Variants in TENM2 observed in about 807,000 individuals in gnomAD.
The protein encoded by TENM2 is teneurin transmembrane protein 2, also known as teneurin-2.
In TENM2, 52 loss-of-function variants were observed where a neutral mutation model predicts 245.2. The ratio of observed to expected loss-of-function variants is 0.21; its 90% CI spans 0.17 to 0.27. TENM2 has a LOEUF of 0.27. Among genes scored for constraint, TENM2 ranks in the 10% least tolerant of loss-of-function variants. The pLI, the probability that TENM2 is intolerant of heterozygous loss-of-function variation, is 1.00. For missense variants in TENM2, 3,046 were observed against 3,666.8 expected (o/e 0.83, Z 4.37); for synonymous variants, 1,363 against 1,438.9 (o/e 0.95, Z 1.19).
intron 13 of TENM2, among the ~76,000 whole-genome samples, chr5:168,175,496 T>C (rs1295414386): frequency 1.3e-5 from 2 of 152,192 alleles, no homozygotes; most frequent in East Asian, 1.9e-4. Flanking sequence ...TTTAGCCACA[T>C]AGGCTTACAA....
intron 1 of TENM2, among the ~76,000 whole-genome samples, chr5:167,350,993 T>TATATG (rs79701724): frequency 1.1e-5 from 1 of 93,878 alleles, no homozygotes; most frequent in African/African-American, 3.5e-5. Flanking sequence ...GATATATATA[T>TATATG]GGATTATATA....
At chr5:167,051,609 G>C in the TENM2 span, among the ~76,000 whole-genome samples, 1 of 152,136 alleles carries the variant, frequency 6.6e-6, no homozygotes, top group Non-Finnish European at 1.5e-5. Context: ...GGACTCGGAG[G>C]AGGCGAGAGA....
At chr5:167,580,865 T>G (rs1019728793) in intron 2 of TENM2, among the ~76,000 whole-genome samples, 2 of 152,188 alleles carry the variant, frequency 1.3e-5, no homozygotes, top group African/African-American at 2.4e-5. Context: ...GGCGCAAGCT[T>G]GTAATACCAG....
chr5:168,107,674 C>T (rs1177907546), intron 9 of TENM2, among the ~76,000 whole-genome samples: 1 of 152,200 alleles, frequency 6.6e-6, no homozygotes, highest in Non-Finnish European at 1.5e-5. Flanking sequence ...TCACCTCCCA[C>T]TGAGGCCTGA....
chr5:167,646,206 T>TATATATATATATATATGTTGTTTTC (rs1779948349), intron 2 of TENM2, among the ~76,000 whole-genome samples: 8 of 123,160 alleles, frequency 6.5e-5, no homozygotes, highest in African/African-American at 3.7e-4. Context: ...TTTTCATATA[T>TATATATATATATATATGTTGTTTTC]ATATATATAT....
intron 20 of TENM2, 186 bp from the exon 23 acceptor site, chr5:168,214,854 T>C (rs1763054168): frequency 1.5e-6 from 1 of 688,756 alleles, no homozygotes; most frequent in South Asian, 1.5e-5. Context: ...ATAAGTCCAA[T>C]TAGAAGTAGC....
At chr5:167,586,784 A>C (rs1413078688) in intron 2 of TENM2, among the ~76,000 whole-genome samples, 1 of 152,240 alleles carries the variant, frequency 6.6e-6, no homozygotes, top group Non-Finnish European at 1.5e-5. Context: ...TTCTGGAATG[A>C]GTAATAATCA....
intron 1 of TENM2, among the ~76,000 whole-genome samples, chr5:167,294,088 TC>T (rs1168678411): frequency 2.2e-4 from 34 of 152,154 alleles, no homozygotes; most frequent in Non-Finnish European, 1.5e-5. Flanking sequence ...AACAATACTT[TC>T]TTGCAACTGA....
At chr5:167,667,468 C>G (rs950469178) in intron 2 of TENM2, among the ~76,000 whole-genome samples, 2 of 152,192 alleles carry the variant, frequency 1.3e-5, no homozygotes, top group African/African-American at 4.8e-5. Flanking sequence ...GCCGAGTCAT[C>G]AGTCCACCCA....
At chr5:167,270,919 G>T in the TENM2 span, among the ~76,000 whole-genome samples, 1 of 152,256 alleles carries the variant, frequency 6.6e-6, no homozygotes, top group African/African-American at 2.4e-5. Context: ...CATCTGTGTT[G>T]CAGGATGGTT....
chr5:167,646,879 C>G (rs1780003572), intron 2 of TENM2, among the ~76,000 whole-genome samples: 1 of 152,182 alleles, frequency 6.6e-6, no homozygotes, highest in African/African-American at 2.4e-5. Context: ...TCCATCTTTT[C>G]TGAAAGTTTG....
chr5:167,943,959 G>C (rs79235710), intron 3 of TENM2, among the ~76,000 whole-genome samples: 1 of 152,162 alleles, frequency 6.6e-6, no homozygotes. Context: ...CTTTAGAAGG[G>C]TCCTTCTCAG....
chr5:167,531,447 TCAGA>T (rs1434379566), intron 2 of TENM2, among the ~76,000 whole-genome samples: 1 of 152,176 alleles, frequency 6.6e-6, no homozygotes, highest in Non-Finnish European at 1.5e-5. Flanking sequence ...AATGATTAAA[TCAGA>T]CAGTCTGACA....
intron 3 of TENM2, among the ~76,000 whole-genome samples, chr5:167,944,152 C>T (rs531420902): frequency 1.3e-5 from 2 of 152,278 alleles, no homozygotes; most frequent in South Asian, 2.1e-4. Flanking sequence ...TGTGTGAGAA[C>T]GTGCCCTATT....
At chr5:167,102,911 C>T in the TENM2 span, among the ~76,000 whole-genome samples, 37 of 152,318 alleles carry the variant, frequency 2.4e-4, no homozygotes, top group Admixed American at 1.3e-3. Flanking sequence ...CTGCCCACCT[C>T]GGCCTCCGAA....
At chr5:167,202,926 A>C in the TENM2 span, among the ~76,000 whole-genome samples, 1 of 152,148 alleles carries the variant, frequency 6.6e-6, no homozygotes, top group African/African-American at 2.4e-5. Context: ...AGAGAACTTG[A>C]ACTAAGACAA....
the TENM2 span, among the ~76,000 whole-genome samples, chr5:167,129,717 A>G: frequency 6.6e-6 from 1 of 152,208 alleles, no homozygotes; most frequent in Non-Finnish European, 1.5e-5. Flanking sequence ...GCAAGAAAAT[A>G]GAGCCATATA....
chr5:168,061,468 T>C (rs1790031957), intron 6 of TENM2, among the ~76,000 whole-genome samples: 1 of 152,206 alleles, frequency 6.6e-6, no homozygotes, highest in South Asian at 2.1e-4. Context: ...ATTTTCAACA[T>C]AAGCAATTTT....
chr5:167,288,712 T>C (rs1338191954), intron 1 of TENM2, among the ~76,000 whole-genome samples: 2 of 152,206 alleles, frequency 1.3e-5, no homozygotes, highest in East Asian at 1.9e-4. Context: ...TGTTTACTTA[T>C]ATTAGGAAAC....
Sources: allele counts gnomAD v4.1 joint callset (sites outside exome capture counted in the v4.1 genomes callset), GRCh38; gene constraint gnomAD v4.1.1; transcripts MANE v1.5; gene names NCBI Gene and HGNC (gene_info 2026-07-23, HGNC 2026-07-21).